DCC: variants seen among roughly 807,000 people sequenced by gnomAD.
DCC encodes the protein netrin receptor DCC.
DCC carries 58 observed loss-of-function variants against 172.5 expected under a neutral mutation model. The observed-to-expected ratio is 0.34, with a 90% CI of 0.27 to 0.42. The LOEUF is 0.42. Ranked by LOEUF, DCC falls within the 10% of genes least tolerant of loss-of-function variation. The probability of loss-of-function intolerance (pLI) is 1.00; values close to 1 mark genes in which losing one functional copy is unlikely to be tolerated. For synonymous variants in DCC, 709 were observed against 644.5 expected (o/e 1.10, Z -1.52); for missense variants, 1,740 against 1,791.0 (o/e 0.97, Z 0.51).
intron 5 of DCC, among the ~76,000 whole-genome samples, chr18:52,991,884 A>G (rs2041398150): frequency 6.6e-6 from 1 of 152,194 alleles, no homozygotes; most frequent in Non-Finnish European, 1.5e-5. Context: ...AAGGGACAAT[A>G]TGTTACCATT....
chr18:53,246,411 C>T (rs1469069706), intron 12 of DCC, among the ~76,000 whole-genome samples: 10 of 151,466 alleles, frequency 6.6e-5, no homozygotes, highest in Admixed American at 6.6e-4. Flanking sequence ...AGGAGGTTGT[C>T]AGAACATCAC....
intron 21 of DCC, among the ~76,000 whole-genome samples, chr18:53,418,438 C>A (rs776923793): frequency 6.6e-6 from 1 of 152,068 alleles, no homozygotes; most frequent in Non-Finnish European, 1.5e-5. Context: ...CAGAACACAG[C>A]AAATTAGTTG....
chr18:53,495,487 C>CTGAT (rs1440181981), intron 26 of DCC, among the ~76,000 whole-genome samples: 2 of 152,190 alleles, frequency 1.3e-5, no homozygotes, highest in African/African-American at 2.4e-5. Flanking sequence ...GAGAGATCCG[C>CTGAT]TGATAGTCTG....
intron 2 of DCC, among the ~76,000 whole-genome samples, chr18:52,894,450 A>G (rs891917831): frequency 1.3e-5 from 2 of 150,150 alleles, no homozygotes; most frequent in African/African-American, 2.4e-5. Flanking sequence ...ATGTATTTAT[A>G]TTATTTTTAT....
chr18:52,999,402 C>T (rs911483619), intron 5 of DCC, among the ~76,000 whole-genome samples: 2 of 151,946 alleles, frequency 1.3e-5, no homozygotes, highest in African/African-American at 4.8e-5. Flanking sequence ...GAATATTTTA[C>T]TTCATTTGTG....
rs986335801 is a variant in DCC at position 53,529,217 on chromosome 18, A to G, written c.4255-1347A>G. Among the ~76,000 whole-genome samples the G allele has an allele frequency of 4.6e-5, 7 of 152,162 alleles. 1 individual carries two copies. The highest frequency in any genetic ancestry group is 1.7e-4 in the African/African-American group (7 of 41,438). On this transcript the variant is annotated intron_variant, in intron 28 of 28. Transcript: ENST00000442544. ...ATTTCTATAGGAAGCTCATACATTA[A>G]TACCATACATTTTGAGCTGTTTTTT...
At chr18:52,485,632 G>A (rs532391475) in intron 1 of DCC, among the ~76,000 whole-genome samples, 3 of 151,992 alleles carry the variant, frequency 2.0e-5, no homozygotes, top group African/African-American at 7.2e-5. Context: ...TGAGTACCAG[G>A]AGACCTGTTG....
rs561151303 is a variant in DCC at position 53,005,870 on chromosome 18, C to T, written c.986-57435C>T. On this transcript the variant is annotated intron_variant, in intron 5 of 28. Coordinates refer to ENST00000442544, the MANE Select transcript of DCC (RefSeq NM_005215.4). Reference sequence around the variant, plus strand: ...TATACCTTTGCTTCGCTTATTTTTTCTCTCTGGTCTTCCCTCATTAACAAA... The same window carrying T: ...TATACCTTTGCTTCGCTTATTTTTTTTCTCTGGTCTTCCCTCATTAACAAA... 1.1e-4 allele frequency among the ~76,000 whole-genome samples: 16 copies of T among 152,216 alleles called. 1 individual carries two copies. In the South Asian group the frequency reaches 3.3e-3, roughly 32 times the overall value.
At chr18:52,835,579 G>A (rs915896211) in intron 2 of DCC, among the ~76,000 whole-genome samples, 11 of 152,044 alleles carry the variant, frequency 7.2e-5, no homozygotes, top group East Asian at 1.9e-4. Flanking sequence ...TTTTGACCAC[G>A]CAACTAAAAT....
Position 53,185,548 on chromosome 18 carries a change from A to C in DCC, c.1573+6432A>C, listed in dbSNP as rs1160068980. On this transcript the variant is annotated intron_variant, in intron 9 of 28. Transcript: ENST00000442544. ...CTTAGTAGCACTTAAAATTTAAATA[A>C]AATTAAAAACCAAAAATTCAACTTA... Among the ~76,000 whole-genome samples, 7 of 152,302 alleles carry C rather than the reference A, an allele frequency of 4.6e-5. No individual in the cohort carries two copies. The East Asian group carries it at 1.3e-3, about 29-fold the overall frequency.
At chr18:52,638,427 C>A (rs1016463007) in intron 1 of DCC, among the ~76,000 whole-genome samples, 1 of 152,074 alleles carries the variant, frequency 6.6e-6, no homozygotes, top group South Asian at 2.1e-4. Context: ...ACAAACTAAC[C>A]ATTTGCTGCC....
chr18:52,598,251 G>A (rs2033946501), intron 1 of DCC, among the ~76,000 whole-genome samples: 1 of 152,086 alleles, frequency 6.6e-6, no homozygotes, highest in African/African-American at 2.4e-5. Flanking sequence ...TAAATACCGA[G>A]GTTAAGAGAA....
chr18:52,570,249 G>T (rs1043908839), intron 1 of DCC, among the ~76,000 whole-genome samples: 3 of 152,158 alleles, frequency 2.0e-5, no homozygotes, highest in Non-Finnish European at 4.4e-5. Context: ...GCTGTGGCTT[G>T]CTTGATGGCT....
intron 27 of DCC, among the ~76,000 whole-genome samples, chr18:53,520,978 C>A (rs958637182): frequency 6.6e-6 from 1 of 152,008 alleles, no homozygotes; most frequent in Non-Finnish European, 1.5e-5. Context: ...TTTGTCTCTA[C>A]TAGAATTTTA....
chr18:53,071,680 CCTT>C (rs1157125491), intron 7 of DCC, among the ~76,000 whole-genome samples: 4 of 152,046 alleles, frequency 2.6e-5, no homozygotes, highest in Non-Finnish European at 2.9e-5. Flanking sequence ...ATTAATCTCT[CCTT>C]AGATCTGGGG....
chr18:52,560,006 G>A (rs1253083050), intron 1 of DCC, among the ~76,000 whole-genome samples: 1 of 152,148 alleles, frequency 6.6e-6, no homozygotes, highest in African/African-American at 2.4e-5. Context: ...TTGTAAATGA[G>A]TACCTCTTAT....
intron 2 of DCC, among the ~76,000 whole-genome samples, chr18:52,766,177 C>T (rs9965116): frequency 0.98 from 149,832 of 152,280 alleles, 73,765 homozygotes; most frequent in East Asian, 1. Flanking sequence ...CAGGAGGGAG[C>T]GCACAAGCGA....
At chr18:52,588,905 G>GA (rs1431623074) in intron 1 of DCC, among the ~76,000 whole-genome samples, 1 of 151,780 alleles carries the variant, frequency 6.6e-6, no homozygotes, top group Non-Finnish European at 1.5e-5. Flanking sequence ...AGAGACTCAA[G>GA]TTTTTTAGTT....
At chr18:52,988,488 G>A (rs1412181248) in intron 5 of DCC, among the ~76,000 whole-genome samples, 1 of 152,024 alleles carries the variant, frequency 6.6e-6, no homozygotes, top group Non-Finnish European at 1.5e-5. Flanking sequence ...TAAAAAATGA[G>A]AGACTCCTCT....
Sources: allele counts gnomAD v4.1 joint callset (sites outside exome capture counted in the v4.1 genomes callset), GRCh38; gene constraint gnomAD v4.1.1; transcripts MANE v1.5; gene names NCBI Gene and HGNC (gene_info 2026-07-23, HGNC 2026-07-21).